The following TENM4 variants were observed in gnomAD, a reference collection of about 807,000 sequenced individuals.
The protein encoded by TENM4 is teneurin transmembrane protein 4.
Under a neutral mutation model 243.3 loss-of-function variants are expected in TENM4, and 82 were observed. That is an observed-to-expected ratio of 0.34 (90% CI 0.28 to 0.40). The LOEUF (loss-of-function observed/expected upper bound fraction) is 0.40, where lower values mean the gene tolerates loss of function less well. Ranked by LOEUF, TENM4 falls within the 10% of genes least tolerant of loss-of-function variation. The probability of loss-of-function intolerance (pLI) is 1.00; values close to 1 mark genes in which losing one functional copy is unlikely to be tolerated. For synonymous variants in TENM4, 1,412 were observed against 1,456.3 expected (o/e 0.97, Z 0.69); for missense variants, 3,138 against 3,673.3 (o/e 0.85, Z 3.77).
chr11:78,982,395 G>T (rs998273225), intron 6 of TENM4, among the ~76,000 whole-genome samples: 1 of 152,098 alleles, frequency 6.6e-6, no homozygotes, highest in Non-Finnish European at 1.5e-5. Flanking sequence ...CTCTTCCTCA[G>T]GGATGAGGCC....
chr11:79,113,450 G>A (rs965562751), intron 4 of TENM4, among the ~76,000 whole-genome samples: 1 of 148,170 alleles, frequency 6.7e-6, no homozygotes. Context: ...GAGAAAGAGA[G>A]GGGGTGCTTC....
chr11:78,920,412 C>T (rs940186767), intron 6 of TENM4, among the ~76,000 whole-genome samples: 6 of 152,112 alleles, frequency 3.9e-5, no homozygotes, highest in African/African-American at 9.7e-5. Context: ...TATTAACGTC[C>T]ATTTCCAGGT....
At chr11:78,734,520 A>G (rs1316368769) in intron 20 of TENM4, among the ~76,000 whole-genome samples, 1 of 147,160 alleles carries the variant, frequency 6.8e-6, no homozygotes, top group Admixed American at 6.8e-5. Context: ...CTCTCTTTCC[A>G]GCTTCTTATT....
At chr11:79,273,092 T>C (rs1855996684) in intron 2 of TENM4, among the ~76,000 whole-genome samples, 1 of 152,240 alleles carries the variant, frequency 6.6e-6, no homozygotes, top group African/African-American at 2.4e-5. Context: ...ATTCTGATTC[T>C]ACCGCTTAAC....
At chr11:78,962,142 C>G (rs996125892) in intron 6 of TENM4, 1 of 152,642 alleles carries the variant, frequency 6.6e-6, no homozygotes, top group African/African-American at 2.4e-5. Context: ...GAGGGACTTA[C>G]CGTTCGCCGC....
chr11:79,362,249 C>T (rs750221042), intron 1 of TENM4, among the ~76,000 whole-genome samples: 44 of 152,284 alleles, frequency 2.9e-4, no homozygotes, highest in Non-Finnish European at 5.6e-4. Flanking sequence ...CACCTCACTT[C>T]CCAATTTCAG....
At chr11:79,304,535 T>A (rs1195456760) in intron 1 of TENM4, among the ~76,000 whole-genome samples, 2 of 152,194 alleles carry the variant, frequency 1.3e-5, no homozygotes, top group Admixed American at 1.3e-4. Flanking sequence ...CCTTGAAACA[T>A]GCTCACTTTG....
intron 10 of TENM4, among the ~76,000 whole-genome samples, chr11:78,862,719 T>C (rs1858854143): frequency 6.6e-6 from 1 of 152,134 alleles, no homozygotes; most frequent in African/African-American, 2.4e-5. Context: ...AGGCATGGGA[T>C]GGGATTCTGC....
chr11:79,395,296 C>T lies in TENM4; in HGVS notation c.-321+45213G>A, dbSNP rs1047274411. On this transcript the variant is annotated intron_variant, in intron 1 of 33. Coordinates refer to ENST00000278550, the MANE Select transcript of TENM4 (RefSeq NM_001098816.3). The stretch of plus-strand genomic sequence containing the variant: ...AATGATCTGTATAGGTACCAACCAT[C>T]GTTATCTAAAATTGACACATCAGGT... 9.8e-5 allele frequency among the ~76,000 whole-genome samples: 15 copies of T among 152,286 alleles called. 1 individual carries two copies. Among genetic ancestry groups the T allele is most frequent in the South Asian group, 4.2e-4 (2 of 4,816 alleles).
intron 1 of TENM4, among the ~76,000 whole-genome samples, chr11:79,324,471 T>C (rs1856941483): frequency 1.3e-5 from 2 of 152,188 alleles, no homozygotes; most frequent in African/African-American, 4.8e-5. Flanking sequence ...GTGATCCTCC[T>C]GCCTTGGCTG....
chr11:79,151,128 G>T (rs1365415183), intron 3 of TENM4, among the ~76,000 whole-genome samples: 1 of 152,118 alleles, frequency 6.6e-6, no homozygotes, highest in South Asian at 2.1e-4. Flanking sequence ...CTTCCACGAT[G>T]TCATGGATTT....
chr11:79,153,961 TCA>T (rs1862556039), intron 3 of TENM4, among the ~76,000 whole-genome samples: 2 of 152,240 alleles, frequency 1.3e-5, no homozygotes, highest in South Asian at 4.1e-4. Flanking sequence ...AACCCCAAAC[TCA>T]CTGCCTTACC....
At chr11:79,188,609 AAAG>A (rs1457438585) in intron 3 of TENM4, among the ~76,000 whole-genome samples, 7 of 151,874 alleles carry the variant, frequency 4.6e-5, no homozygotes, top group African/African-American at 1.5e-4. Flanking sequence ...GGAGAAAAGC[AAAG>A]AAGAAGGAAG....
intron 12 of TENM4, among the ~76,000 whole-genome samples, chr11:78,822,888 C>A (rs1252996583): frequency 6.6e-6 from 1 of 152,202 alleles, no homozygotes; most frequent in Non-Finnish European, 1.5e-5. Flanking sequence ...GACGTTTGCT[C>A]ATTTCAGGAG....
intron 19 of TENM4, among the ~76,000 whole-genome samples, chr11:78,746,747 C>CA (rs1385952321): frequency 6.6e-6 from 1 of 152,212 alleles, no homozygotes; most frequent in Non-Finnish European, 1.5e-5. Flanking sequence ...TGCCTGGGGA[C>CA]ATGGGATATG....
intron 1 of TENM4, among the ~76,000 whole-genome samples, chr11:79,339,556 C>T (rs1422472364): frequency 7.1e-6 from 1 of 141,420 alleles, no homozygotes; most frequent in Non-Finnish European, 1.6e-5. Flanking sequence ...CTATGGAATC[C>T]TCATCATCCC....
chr11:78,981,476 T>A (rs1377010297), intron 6 of TENM4, among the ~76,000 whole-genome samples: 1 of 152,146 alleles, frequency 6.6e-6, no homozygotes, highest in African/African-American at 2.4e-5. Context: ...CACACTGTGG[T>A]TATGTGTCTC....
rs142407130 is a variant in TENM4 at position 78,724,315 on chromosome 11, C to T, written c.3551-1398G>A. Among the ~76,000 whole-genome samples the T allele has an allele frequency of 6.3e-3, 959 of 152,318 alleles. 16 individuals are homozygous for T. The highest frequency in any genetic ancestry group is 0.025 in the Admixed American group (379 of 15,302). ...ACTATGTTGCCAGGCTAGTCTCAAA[C>T]TCCTGGCCTCAAGCGATCCTCTCGC... is the stretch of plus-strand genomic sequence containing the variant. On this transcript the variant is annotated intron_variant, in intron 23 of 33. Transcript: ENST00000278550.
intron 1 of TENM4, among the ~76,000 whole-genome samples, chr11:79,314,892 G>A (rs80020362): frequency 6.6e-6 from 1 of 152,304 alleles, no homozygotes; most frequent in East Asian, 1.9e-4. Flanking sequence ...GTGAGGCCTG[G>A]GTTTCAGTAT....
Sources: gnomAD v4.1 joint callset for allele counts (sites outside exome capture counted in the v4.1 genomes callset) on GRCh38, gnomAD v4.1.1 for gene constraint, MANE v1.5 for transcripts, NCBI Gene and HGNC (gene_info 2026-07-23, HGNC 2026-07-21) for gene names.